UBE3D: variants seen among roughly 807,000 people sequenced by gnomAD.
The protein encoded by UBE3D is E3 ubiquitin-protein ligase E3D.
A neutral mutation model predicts 49.6 loss-of-function variants in UBE3D; 48 were observed. That is an observed-to-expected ratio of 0.97 (90% CI 0.77 to 1.23). The LOEUF is 1.23. Ranked by LOEUF, UBE3D falls within the 50% of genes most tolerant of loss-of-function variation. The pLI, the probability that UBE3D is intolerant of heterozygous loss-of-function variation, is 0.00. For synonymous variants in UBE3D, 189 were observed against 174.2 expected (o/e 1.08, Z -0.67); for missense variants, 452 against 468.4 (o/e 0.96, Z 0.32).
chr6:83,044,914 A>C (rs1782927679), intron 3 of UBE3D, among the ~76,000 whole-genome samples: 1 of 152,216 alleles, frequency 6.6e-6, no homozygotes, highest in Non-Finnish European at 1.5e-5. Context: ...TTTCTTTGCC[A>C]TCCGTTCAAA....
intron 3 of UBE3D, among the ~76,000 whole-genome samples, chr6:83,052,228 G>A (rs900537626): frequency 2.0e-5 from 3 of 152,192 alleles, no homozygotes; most frequent in African/African-American, 7.2e-5. Context: ...CACACTGCTA[G>A]TAAATGGCAG....
intron 8 of UBE3D, among the ~76,000 whole-genome samples, chr6:82,985,809 C>T (rs531821421): frequency 2.0e-5 from 3 of 152,282 alleles, no homozygotes; most frequent in South Asian, 4.2e-4. Context: ...GTTTGAGAGG[C>T]CACCTTTCCT....
At chr6:82,962,783 C>T (rs1356442695) in intron 8 of UBE3D, among the ~76,000 whole-genome samples, 1 of 152,036 alleles carries the variant, frequency 6.6e-6, no homozygotes, top group African/African-American at 2.4e-5. Context: ...ATGAACAAGG[C>T]AAAAGTATAT....
At chr6:82,929,296 C>T (rs1017056829) in intron 9 of UBE3D, among the ~76,000 whole-genome samples, 4 of 152,244 alleles carry the variant, frequency 2.6e-5, no homozygotes, top group Admixed American at 6.5e-5. Context: ...TCGGTTTTAC[C>T]ATGGAACTAA....
intron 1 of UBE3D, among the ~76,000 whole-genome samples, chr6:83,062,956 A>C (rs1784260215): frequency 6.6e-6 from 1 of 152,246 alleles, no homozygotes; most frequent in African/African-American, 2.4e-5. Flanking sequence ...AAAATGTGAA[A>C]GCTAAAACGA....
At chr6:82,939,397 C>T (rs762876523) in intron 9 of UBE3D, among the ~76,000 whole-genome samples, 1 of 152,238 alleles carries the variant, frequency 6.6e-6, no homozygotes, top group Non-Finnish European at 1.5e-5. Context: ...TGGGTACATA[C>T]AGTCATGAGC....
In UBE3D at chr6:83,065,753, A is replaced by G. The variant is rs1370775337; in HGVS notation, c.-35T>C. 1.9e-6 allele frequency: 3 copies of G among 1,586,676 alleles called. No individual in the cohort carries two copies. The highest frequency in any genetic ancestry group is 1.7e-4 in the Middle Eastern group (1 of 6,010). ...CCAGTCCCAGACCGGACCAAGCTGG[A>G]GGTTCCGAGGGGCCCGGGTCAACAG... On this transcript the variant is annotated 5_prime_UTR_variant, in exon 1 of 10. Transcript: ENST00000369747.
At chr6:83,055,927 T>C (rs1403632239) in intron 2 of UBE3D, among the ~76,000 whole-genome samples, 1 of 152,204 alleles carries the variant, frequency 6.6e-6, no homozygotes, top group Non-Finnish European at 1.5e-5. Flanking sequence ...CACCATCTAT[T>C]ATATGGAAAG....
At chr6:82,887,726 A>T (rs1390373198), downstream of UBE3D, among the ~76,000 whole-genome samples, 2 of 142,802 alleles carry the variant, frequency 1.4e-5, no homozygotes, top group Non-Finnish European at 3.0e-5. Context: ...AAAAAGAAAG[A>T]AAAGAAAAGA....
intron 9 of UBE3D, among the ~76,000 whole-genome samples, chr6:82,922,912 A>T (rs1020991049): frequency 6.6e-6 from 1 of 152,240 alleles, no homozygotes; most frequent in Non-Finnish European, 1.5e-5. Flanking sequence ...ATGAACAGAC[A>T]CTTCTCAAAA....
intron 8 of UBE3D, among the ~76,000 whole-genome samples, chr6:82,964,787 A>G (rs1776793271): frequency 6.6e-6 from 1 of 152,224 alleles, no homozygotes; most frequent in Non-Finnish European, 1.5e-5. Flanking sequence ...ATCTAAATAT[A>G]TTGGAATGTC....
chr6:83,024,839 CGGTATAAATTTCA>C (rs1781345258), intron 5 of UBE3D, among the ~76,000 whole-genome samples: 1 of 152,088 alleles, frequency 6.6e-6, no homozygotes, highest in East Asian at 1.9e-4. Context: ...GAAAGATTAA[CGGTATAAATTTCA>C]GGTAGCATCG....
At chr6:82,949,230 A>G (rs2127764329) in intron 9 of UBE3D, among the ~76,000 whole-genome samples, 1 of 152,194 alleles carries the variant, frequency 6.6e-6, no homozygotes, top group East Asian at 1.9e-4. Flanking sequence ...AGCAGGGAAC[A>G]ATTTGAAAAA....
Position 82,892,975 on chromosome 6 carries a change from T to C in UBE3D, c.*47A>G, listed in dbSNP as rs1473545529. Reference sequence around the variant, plus strand: ...CTGACTGCTGGCCTCGGTGTGCTCCTGCTTGAGAGCTGTCTGCCGGGGGAG... The same window carrying C: ...CTGACTGCTGGCCTCGGTGTGCTCCCGCTTGAGAGCTGTCTGCCGGGGGAG... On this transcript the variant is annotated 3_prime_UTR_variant, in exon 10 of 10. Coordinates refer to ENST00000369747, the MANE Select transcript of UBE3D (RefSeq NM_198920.3). 6.2e-7 allele frequency: 1 copy of C among 1,612,880 alleles called. No homozygotes were observed. The highest frequency in any genetic ancestry group is 1.1e-5 in the South Asian group (1 of 91,076).
chr6:82,976,943 T>C (rs1313578846), intron 8 of UBE3D, among the ~76,000 whole-genome samples: 2 of 151,236 alleles, frequency 1.3e-5, no homozygotes, highest in Non-Finnish European at 2.9e-5. Flanking sequence ...TGAAACCCCG[T>C]CTCTACCAAA....
intron 8 of UBE3D, among the ~76,000 whole-genome samples, chr6:82,985,862 G>A (rs562254849): frequency 6.6e-6 from 1 of 152,148 alleles, no homozygotes; most frequent in Non-Finnish European, 1.5e-5. Context: ...TTTCTGTTGT[G>A]TTCCAATGGT....
chr6:82,998,224 G>A (rs913784517), intron 8 of UBE3D, among the ~76,000 whole-genome samples: 1 of 152,172 alleles, frequency 6.6e-6, no homozygotes, highest in Non-Finnish European at 1.5e-5. Context: ...TGCAATAGAG[G>A]TACATGCACC....
chr6:83,033,469 G>C (rs1782024263), intron 5 of UBE3D, among the ~76,000 whole-genome samples: 1 of 152,160 alleles, frequency 6.6e-6, no homozygotes, highest in Middle Eastern at 3.2e-3. Flanking sequence ...GTGGGACCTG[G>C]TGGGAGGTGA....
intron 5 of UBE3D, among the ~76,000 whole-genome samples, chr6:83,030,032 A>T (rs1781756323): frequency 1.3e-5 from 2 of 152,226 alleles, no homozygotes; most frequent in South Asian, 4.1e-4. Context: ...TAAGCTTTCA[A>T]TCCTTACTGA....
Sources: gnomAD v4.1 joint callset for allele counts (sites outside exome capture counted in the v4.1 genomes callset) on GRCh38, gnomAD v4.1.1 for gene constraint, MANE v1.5 for transcripts, NCBI Gene and HGNC (gene_info 2026-07-23, HGNC 2026-07-21) for gene names.